RALYL: variants seen among roughly 807,000 people sequenced by gnomAD.
The protein encoded by RALYL is RALY RNA binding protein like, also known as RNA-binding Raly-like protein.
A neutral mutation model predicts 35.1 loss-of-function variants in RALYL; 29 were observed. The observed-to-expected ratio is 0.83, with a 90% CI of 0.61 to 1.13. The LOEUF is 1.13. RALYL is among the 50% of genes most tolerant of loss of function. RALYL has a pLI of 0.00. For synonymous variants in RALYL, 120 were observed against 127.6 expected (o/e 0.94, Z 0.40); for missense variants, 359 against 360.4 (o/e 1.00, Z 0.03).
intron 1 of RALYL, among the ~76,000 whole-genome samples, chr8:84,472,374 G>C (rs1377839966): frequency 6.6e-6 from 1 of 152,130 alleles, no homozygotes; most frequent in African/African-American, 2.4e-5. Context: ...AGTTCAAAAG[G>C]CTGGGACTGT....
rs1040502738 is a variant in RALYL at position 84,374,267 on chromosome 8, G to A, written c.-23-155032G>A. ...TCATGAATAGGAGTGATGACAAAGG[G>A]CATCCTTGTCTTGTGCTGGTTTTCA... On this transcript the variant is annotated intron_variant, in intron 1 of 8. Transcript: ENST00000521268. 2.0e-5 allele frequency among the ~76,000 whole-genome samples: 3 copies of A among 151,936 alleles called. No individual in the cohort carries two copies. The Admixed American group carries it at 2.0e-4, about 10-fold the overall frequency.
intron 7 of RALYL, among the ~76,000 whole-genome samples, chr8:84,878,399 G>A (rs1180970138): frequency 6.6e-6 from 1 of 151,904 alleles, no homozygotes; most frequent in East Asian, 1.9e-4. Context: ...GCTGATAGAG[G>A]GTCAACTAAG....
intron 8 of RALYL, among the ~76,000 whole-genome samples, chr8:84,903,809 T>C (rs933327522): frequency 6.6e-6 from 1 of 152,156 alleles, no homozygotes; most frequent in Admixed American, 6.6e-5. Flanking sequence ...ATTCCCAAAT[T>C]CCAAAGGGCA....
At chr8:84,772,583 T>C (rs972953293) in intron 2 of RALYL, among the ~76,000 whole-genome samples, 1 of 152,182 alleles carries the variant, frequency 6.6e-6, no homozygotes, top group Admixed American at 6.5e-5. Context: ...TAATACTTTG[T>C]CTTTTATAGT....
At chr8:84,771,780 G>T (rs966894076) in intron 2 of RALYL, among the ~76,000 whole-genome samples, 4 of 151,878 alleles carry the variant, frequency 2.6e-5, no homozygotes, top group South Asian at 4.1e-4. Context: ...ATATATTCAA[G>T]AAACAAATCC....
At chr8:84,577,165 C>T (rs556786025) in intron 2 of RALYL, among the ~76,000 whole-genome samples, 111 of 152,282 alleles carry the variant, frequency 7.3e-4, no homozygotes, top group African/African-American at 2.6e-3. Context: ...TTGCGTTTGG[C>T]GTAATTACGC....
intron 1 of RALYL, among the ~76,000 whole-genome samples, chr8:84,262,123 A>G (rs758555383): frequency 6.6e-6 from 1 of 152,170 alleles, no homozygotes; most frequent in Non-Finnish European, 1.5e-5. Flanking sequence ...ATGTGGAGTC[A>G]TGGTTCCAGA....
chr8:84,703,780 A>T (rs1195458972), intron 2 of RALYL, among the ~76,000 whole-genome samples: 1 of 152,168 alleles, frequency 6.6e-6, no homozygotes, highest in Non-Finnish European at 1.5e-5. Flanking sequence ...GAATTGCCAC[A>T]GTTTTCGTGC....
At chr8:84,812,474 G>C (rs1266832641) in intron 4 of RALYL, among the ~76,000 whole-genome samples, 1 of 152,100 alleles carries the variant, frequency 6.6e-6, no homozygotes, top group Non-Finnish European at 1.5e-5. Flanking sequence ...ACCAATGGTG[G>C]GTGGGGCCCT....
intron 2 of RALYL, among the ~76,000 whole-genome samples, chr8:84,560,468 A>G (rs888983788): frequency 3.3e-5 from 5 of 151,972 alleles, no homozygotes; most frequent in Non-Finnish European, 5.9e-5. Flanking sequence ...AATAGAGACA[A>G]TGTAGCCTGG....
At chr8:84,787,230 A>G (rs1426148549) in intron 3 of RALYL, among the ~76,000 whole-genome samples, 2 of 150,628 alleles carry the variant, frequency 1.3e-5, no homozygotes, top group East Asian at 2.0e-4. Flanking sequence ...TCATTGTCCA[A>G]CTCCCACTTA....
rs118191205 is a variant in RALYL, at chr8:84,628,793, T to C, written c.256+99216T>C. ...CTACAATCTCAGATTGAAATACTGA[T>C]GGAAGTTATTTTGGAAAATAATTTT... On this transcript the variant is annotated intron_variant, in intron 2 of 8. Coordinates refer to ENST00000521268, the MANE Select transcript of RALYL (RefSeq NM_173848.7). Among the ~76,000 whole-genome samples, 1,492 of 152,120 alleles carry C rather than the reference T, an allele frequency of 9.8e-3. 19 individuals are homozygous for C. Among genetic ancestry groups the C allele is most frequent in the Middle Eastern group, 0.027 (8 of 294 alleles).
rs187881845 is a variant in RALYL, at chr8:84,585,569, T to C, written c.256+55992T>C. Among the ~76,000 whole-genome samples, 8 of 152,290 alleles carry C rather than the reference T, an allele frequency of 5.3e-5. No homozygotes were observed. The East Asian group carries it at 1.3e-3, about 26-fold the overall frequency. Reference sequence around the variant, plus strand: ...CAATAATTATTGTTTTTCATGTTCATATTATAGTAGAAAATGCTTCCTCAG... The same window carrying C: ...CAATAATTATTGTTTTTCATGTTCACATTATAGTAGAAAATGCTTCCTCAG... On this transcript the variant is annotated intron_variant, in intron 2 of 8. Coordinates refer to ENST00000521268, the MANE Select transcript of RALYL (RefSeq NM_173848.7).
intron 2 of RALYL, among the ~76,000 whole-genome samples, chr8:84,564,388 A>G (rs1028201063): frequency 6.6e-6 from 1 of 151,824 alleles, no homozygotes; most frequent in East Asian, 1.9e-4. Flanking sequence ...ATTATTGGGA[A>G]ATATTTCCTG....
chr8:84,880,587 G>A (rs562455272), intron 7 of RALYL, among the ~76,000 whole-genome samples: 1 of 151,596 alleles, frequency 6.6e-6, no homozygotes, highest in Non-Finnish European at 1.5e-5. Context: ...CTAAAGATAC[G>A]CCAATACCCA....
intron 4 of RALYL, among the ~76,000 whole-genome samples, chr8:84,817,129 G>C (rs1827503035): frequency 6.6e-6 from 1 of 152,056 alleles, no homozygotes; most frequent in Non-Finnish European, 1.5e-5. Flanking sequence ...GGGCAACAAG[G>C]CTTGCCCTGC....
chr8:84,734,376 T>C lies in RALYL; in HGVS notation c.257-40203T>C, dbSNP rs796264393. Among the ~76,000 whole-genome samples the C allele has an allele frequency of 3.9e-5, 6 of 152,288 alleles. 1 individual carries two copies. The highest frequency in any genetic ancestry group is 1.4e-4 in the African/African-American group (6 of 41,580). ...GTGTTTATTAGCCATAAGAGAATAT[T>C]TATGCTAAAAGATTAGTTTTTCTTA... On this transcript the variant is annotated intron_variant, in intron 2 of 8. Transcript: ENST00000521268.
intron 1 of RALYL, among the ~76,000 whole-genome samples, chr8:84,408,758 AG>A (rs1192814904): frequency 2.6e-5 from 4 of 152,196 alleles, no homozygotes; most frequent in East Asian, 1.9e-4. Flanking sequence ...CCATGGAGGC[AG>A]GGTTATCAGA....
At chr8:84,262,010 T>C (rs1156762484) in intron 1 of RALYL, among the ~76,000 whole-genome samples, 1 of 152,120 alleles carries the variant, frequency 6.6e-6, no homozygotes, top group Non-Finnish European at 1.5e-5. Flanking sequence ...AAACTCAAAG[T>C]TATATAAAAA....
Sources: allele counts gnomAD v4.1 joint callset (sites outside exome capture counted in the v4.1 genomes callset), GRCh38; gene constraint gnomAD v4.1.1; transcripts MANE v1.5; gene names NCBI Gene and HGNC (gene_info 2026-07-23, HGNC 2026-07-21).